DCAF1: variants seen among roughly 807,000 people sequenced by gnomAD.
DCAF1 encodes the protein DDB1- and CUL4-associated factor 1.
In DCAF1, 15 loss-of-function variants were observed where a neutral mutation model predicts 128.0. That is an observed-to-expected ratio of 0.12 (90% CI 0.08 to 0.18). The LOEUF (loss-of-function observed/expected upper bound fraction) is 0.18. Ranked by LOEUF, DCAF1 falls within the 10% of genes least tolerant of loss-of-function variation. The pLI is 1.00. For synonymous variants in DCAF1, 610 were observed against 603.0 expected (o/e 1.01, Z -0.17); for missense variants, 988 against 1,649.5 (o/e 0.60, Z 6.95).
In DCAF1 at chr3:51,466,809, C is replaced by A; in HGVS notation, c.255G>T (p.Met85Ile). 1 of 1,613,430 alleles carries A rather than the reference C, an allele frequency of 6.2e-7. No individual in the cohort carries two copies. ...LRILFKNDDF[M>I]NALVNAYVMT... is the part of the protein sequence containing the mutation. ...AAGTAAGAAGCAAACCTACTGCATT[C>A]ATGAAATCATCATTCTTGAAGAGTA... Residue 85 changes from methionine (M) to isoleucine (I), a missense_variant, in exon 5 of 25, where the codon ATG becomes ATT. Transcript: ENST00000684031.
At chr3:51,505,620 T>C in the DCAF1 span, among the ~76,000 whole-genome samples, 1 of 152,206 alleles carries the variant, frequency 6.6e-6, no homozygotes, top group Non-Finnish European at 1.5e-5. Context: ...CTGCTCCTGC[T>C]TCAGCAGGTC....
At position 51,418,701 on chromosome 3, in the gene DCAF1, T is replaced by C. The variant is rs782617801; in HGVS notation, c.3412A>G (p.Ile1138Val). Reference sequence around the variant, plus strand: ...ACCCTGGAAGGTTCAAGATGTGTGATGGCTGAGTTGTGACAGTTATAGCTG... The same window carrying C: ...ACCCTGGAAGGTTCAAGATGTGTGACGGCTGAGTTGTGACAGTTATAGCTG... ...EASYNCHNSA[I>V]THLEPSRDGS... The change falls in exon 16 of 25, where the codon ATC (isoleucine) becomes GTC (valine). Residue 1138 changes from isoleucine (I) to valine (V), a missense_variant. Physicochemically the swap from Ile to Val is conservative, Grantham distance 29. Transcript: ENST00000684031. The C allele has an allele frequency of 9.9e-6, 16 of 1,613,310 alleles. No homozygotes were observed. In the East Asian group the frequency reaches 1.6e-4, roughly 16 times the overall value.
At chr3:51,469,333 C>T (rs781852593) in intron 4 of DCAF1, among the ~76,000 whole-genome samples, 1 of 148,266 alleles carries the variant, frequency 6.7e-6, no homozygotes, top group African/African-American at 2.5e-5. Flanking sequence ...TGGGTTCAAG[C>T]GATTCTCCTG....
At chr3:51,495,695 C>G (rs191283492) in intron 2 of DCAF1, among the ~76,000 whole-genome samples, 2 of 152,014 alleles carry the variant, frequency 1.3e-5, no homozygotes, top group Admixed American at 6.6e-5. Context: ...GAGTTTGAGA[C>G]CAGCCTGGAC....
intron 15 of DCAF1, 86 bp from the exon 16 acceptor site, chr3:51,418,962 G>A (rs1439500334): frequency 2.1e-6 from 3 of 1,434,930 alleles, no homozygotes; most frequent in Non-Finnish European, 2.7e-6. Context: ...AAAAAGCACA[G>A]AACATTAATG....
At chr3:51,446,573 G>A (rs1340301470) in intron 6 of DCAF1, among the ~76,000 whole-genome samples, 2 of 152,056 alleles carry the variant, frequency 1.3e-5, no homozygotes, top group African/African-American at 4.8e-5. Flanking sequence ...CAAGGCTGCA[G>A]TGAGCTAGGA....
At chr3:51,400,764 T>C (rs1339098123) in intron 24 of DCAF1, among the ~76,000 whole-genome samples, 2 of 152,062 alleles carry the variant, frequency 1.3e-5, no homozygotes, top group Non-Finnish European at 2.9e-5. Flanking sequence ...GTATAATTAA[T>C]CCCTGTAGTG....
chr3:51,503,776 G>A (rs1708876399), upstream of DCAF1, among the ~76,000 whole-genome samples: 1 of 152,076 alleles, frequency 6.6e-6, no homozygotes, highest in Admixed American at 6.6e-5. Flanking sequence ...TTTCCCAAAG[G>A]GTGTGTAATT....
intron 2 of DCAF1, among the ~76,000 whole-genome samples, chr3:51,489,134 C>A (rs1158350602): frequency 6.6e-6 from 1 of 152,102 alleles, no homozygotes; most frequent in Non-Finnish European, 1.5e-5. Flanking sequence ...TCTATTAAAA[C>A]ACTGTACTGG....
chr3:51,429,231 A>T (rs782223640), intron 12 of DCAF1, 30 bp downstream of exon 12: 5 of 740,362 alleles, frequency 6.8e-6, no homozygotes, highest in Non-Finnish European at 5.0e-6. Context: ...GGCTAACAGA[A>T]CTTTCCCTTT....
intron 2 of DCAF1, among the ~76,000 whole-genome samples, chr3:51,489,151 C>G (rs1707327051): frequency 6.6e-6 from 1 of 151,902 alleles, no homozygotes. Flanking sequence ...CTGGAGTCCT[C>G]CGCCTGGCGT....
intron 6 of DCAF1, among the ~76,000 whole-genome samples, chr3:51,447,137 T>TAATCCTA (rs1193932826): frequency 1.6e-4 from 24 of 152,074 alleles, no homozygotes; most frequent in Non-Finnish European, 3.2e-4. Flanking sequence ...CTGGGCATGG[T>TAATCCTA]GGCTCATGCC....
chr3:51,463,346 A>G (rs12632451), intron 5 of DCAF1, 119 bp from the exon 6 acceptor site: 1 of 470,518 alleles, frequency 2.1e-6, no homozygotes, highest in Non-Finnish European at 3.6e-6. Context: ...AGAAGACTGT[A>G]TGTAACTAAT....
At chr3:51,431,510 A>C in intron 10 of DCAF1, among the ~76,000 whole-genome samples, 1 of 142,594 alleles carries the variant, frequency 7.0e-6, no homozygotes, top group African/African-American at 2.6e-5. Flanking sequence ...ACAGAGCAAG[A>C]TTCCGTCTCA....
rs199798707 is a variant in DCAF1, at chr3:51,412,108, C to CT, written c.4212+270dup. Among the ~76,000 whole-genome samples the CT allele has an allele frequency of 3.6e-3, 244 of 67,242 alleles. 2 individuals carry two copies. The highest frequency in any genetic ancestry group is 0.016 in the African/African-American group (227 of 14,180). The allele number at this position is 67,242 out of a possible 152,430, so 44.1% of individuals were successfully genotyped here. ...TCGGCGACAAGAGCAAAACTCCATT[C>CT]TAAAAAAAAAAAAAAAAAAAAAAAA... On this transcript the variant is annotated intron_variant, in intron 23 of 24. Coordinates refer to ENST00000684031, the MANE Select transcript of DCAF1 (RefSeq NM_001387579.1).
intron 10 of DCAF1, among the ~76,000 whole-genome samples, chr3:51,431,262 A>AAT (rs1700344490): frequency 6.6e-6 from 1 of 152,062 alleles, no homozygotes; most frequent in Non-Finnish European, 1.5e-5. Context: ...TTATGACTGT[A>AAT]ATCCCAGTAC....
intron 12 of DCAF1, among the ~76,000 whole-genome samples, chr3:51,428,473 C>T (rs1190632135): frequency 1.3e-5 from 2 of 151,778 alleles, no homozygotes; most frequent in Non-Finnish European, 2.9e-5. Flanking sequence ...TACAGATGCA[C>T]ACCACAGGGC....
At position 51,418,116 on chromosome 3, in the gene DCAF1, T is replaced by C. The variant is rs782441437; in HGVS notation, c.3518A>G (p.Lys1173Arg). The change falls in exon 17 of 25, where the codon AAG becomes AGG. Residue 1173 changes from lysine (K) to arginine (R), a missense_variant and splice_region_variant. Around this residue, in one of 11 missense-constraint regions of DCAF1, gnomAD observed 61 missense variants for 78.3 expected, o/e 0.78. Transcript: ENST00000684031. ...CTAGGTTCCAAAAGCAGATACATAC[T>C]TCATATCAAATACTGACTTCATTCC... The part of the protein sequence containing the change: ...LWGMKSVFDM[K>R]HSFTEDHYVE... The C allele has an allele frequency of 3.1e-6, 5 of 1,610,836 alleles. No individual in the cohort carries two copies. Among genetic ancestry groups the C allele is most frequent in the Non-Finnish European group, 2.5e-6 (3 of 1,178,594 alleles).
chr3:51,483,608 T>TC, intron 3 of DCAF1, 111 bp downstream of exon 3: 1 of 718,154 alleles, frequency 1.4e-6, no homozygotes, highest in East Asian at 2.7e-5. Context: ...TTTAAACTAG[T>TC]TTGTGTGTGT....
Sources: allele counts gnomAD v4.1 joint callset (sites outside exome capture counted in the v4.1 genomes callset), GRCh38; gene constraint gnomAD v4.1.1; regional missense constraint gnomAD v4.1.1; transcripts MANE v1.5; gene names NCBI Gene and HGNC (gene_info 2026-07-23, HGNC 2026-07-21).